The following ERC2 variants were observed in gnomAD, a reference collection of about 807,000 sequenced individuals.
ERC2 encodes the protein ERC protein 2.
ERC2 carries 42 observed loss-of-function variants against 114.8 expected under a neutral mutation model. The observed-to-expected ratio is 0.37, with a 90% CI of 0.29 to 0.47. ERC2 has a LOEUF of 0.47. Among genes scored for constraint, ERC2 ranks in the 20% least tolerant of loss-of-function variants. The probability of loss-of-function intolerance (pLI) is 0.99; values close to 1 mark genes in which losing one functional copy is unlikely to be tolerated. For missense variants in ERC2, 939 were observed against 1,150.7 expected, an observed-to-expected ratio of 0.82 and a Z score of 2.66; for synonymous variants, 454 against 425.5, an observed-to-expected ratio of 1.07 and a Z score of -0.82.
chr3:56,211,639 C>A (rs1223295686), intron 3 of ERC2, among the ~76,000 whole-genome samples: 1 of 151,902 alleles, frequency 6.6e-6, no homozygotes, highest in Non-Finnish European at 1.5e-5. Flanking sequence ...ACCCACATAG[C>A]CAAAGCAAGA....
At chr3:56,238,960 A>C (rs1401582668) in intron 3 of ERC2, among the ~76,000 whole-genome samples, 3 of 152,226 alleles carry the variant, frequency 2.0e-5, no homozygotes, top group Non-Finnish European at 4.4e-5. Flanking sequence ...CCTACCTCTC[A>C]GGTTGCATGC....
intron 7 of ERC2, among the ~76,000 whole-genome samples, chr3:56,024,601 C>CT (rs2073932005): frequency 6.6e-6 from 1 of 152,196 alleles, no homozygotes; most frequent in Admixed American, 6.5e-5. Flanking sequence ...GCATACAGCC[C>CT]AACTGCAAGG....
chr3:55,514,685 A>G (rs942128873), intron 17 of ERC2, among the ~76,000 whole-genome samples: 2 of 152,212 alleles, frequency 1.3e-5, no homozygotes, highest in South Asian at 2.1e-4. Context: ...CCACAGACCT[A>G]CAACCACGAG....
chr3:55,870,287 T>G (rs1575943857), intron 14 of ERC2, among the ~76,000 whole-genome samples: 2 of 152,018 alleles, frequency 1.3e-5, no homozygotes, highest in Non-Finnish European at 2.9e-5. Context: ...GTTGGCCAGG[T>G]TGGTCTCAAA....
chr3:55,849,784 C>A (rs1478744251), intron 14 of ERC2, among the ~76,000 whole-genome samples: 2 of 152,176 alleles, frequency 1.3e-5, no homozygotes, highest in Non-Finnish European at 2.9e-5. Flanking sequence ...TTGACTTCAT[C>A]AAAGTCCACA....
intron 7 of ERC2, among the ~76,000 whole-genome samples, chr3:56,040,601 A>T (rs201293803): frequency 2.5e-4 from 5 of 20,374 alleles, no homozygotes; most frequent in Non-Finnish European, 3.8e-4. Context: ...ATATCTATAT[A>T]TGTATATATA....
At chr3:56,113,880 A>G (rs933151723) in intron 6 of ERC2, among the ~76,000 whole-genome samples, 2 of 152,190 alleles carry the variant, frequency 1.3e-5, no homozygotes, top group African/African-American at 2.4e-5. Context: ...TAGCTCAGGG[A>G]AACATATCAC....
At chr3:56,266,788 G>A (rs1399576924) in intron 3 of ERC2, among the ~76,000 whole-genome samples, 8 of 152,200 alleles carry the variant, frequency 5.3e-5, no homozygotes, top group African/African-American at 1.9e-4. Context: ...AGGATATGGA[G>A]AGAAGAGAAC....
intron 2 of ERC2, among the ~76,000 whole-genome samples, chr3:56,387,039 T>C (rs918633898): frequency 6.6e-6 from 1 of 152,210 alleles, no homozygotes; most frequent in Non-Finnish European, 1.5e-5. Flanking sequence ...AAAACTGTGA[T>C]TATTTTGGCA....
intron 7 of ERC2, among the ~76,000 whole-genome samples, chr3:56,049,862 A>G (rs1483637826): frequency 1.5e-5 from 2 of 129,882 alleles, no homozygotes; most frequent in African/African-American, 6.4e-5. Flanking sequence ...GTGTGTGTGT[A>G]TCCTATTGGT....
At chr3:55,561,193 TG>T (rs1282880823) in intron 17 of ERC2, among the ~76,000 whole-genome samples, 1 of 152,158 alleles carries the variant, frequency 6.6e-6, no homozygotes, top group Non-Finnish European at 1.5e-5. Context: ...AGAAAAACTT[TG>T]GGCTAGAAAT....
At chr3:55,533,385 G>A (rs1167249) in intron 17 of ERC2, among the ~76,000 whole-genome samples, 76,567 of 152,118 alleles carry the variant, frequency 0.5, 21,891 homozygotes, top group East Asian at 0.77. Flanking sequence ...GATACTGACA[G>A]TATTCACACG....
At chr3:55,884,799 A>G (rs907590301) in intron 14 of ERC2, among the ~76,000 whole-genome samples, 13 of 152,144 alleles carry the variant, frequency 8.5e-5, no homozygotes, top group African/African-American at 3.1e-4. Flanking sequence ...TTTGCAAGGA[A>G]TTTAACAGAT....
At chr3:56,441,608 C>A (rs552946187) in intron 1 of ERC2, among the ~76,000 whole-genome samples, 11 of 152,228 alleles carry the variant, frequency 7.2e-5, no homozygotes, top group Non-Finnish European at 1.0e-4. Flanking sequence ...AGGATAAATT[C>A]TTTTTGTTGT....
intron 14 of ERC2, among the ~76,000 whole-genome samples, chr3:55,791,315 A>G (rs2069999408): frequency 6.6e-6 from 1 of 152,194 alleles, no homozygotes; most frequent in African/African-American, 2.4e-5. Flanking sequence ...TAAGTTTTTA[A>G]AAGTCCAGAA....
chr3:55,680,479 T>C (rs191605138), intron 17 of ERC2, among the ~76,000 whole-genome samples: 98 of 152,336 alleles, frequency 6.4e-4, no homozygotes, highest in African/African-American at 2.1e-3. Context: ...TGAAGAAGTA[T>C]TTGCTGACAC....
At chr3:56,422,368 A>C (rs1348967232) in intron 2 of ERC2, among the ~76,000 whole-genome samples, 1 of 152,132 alleles carries the variant, frequency 6.6e-6, no homozygotes, top group Non-Finnish European at 1.5e-5. Context: ...AATCTCCCTC[A>C]TTCCTTTGCC....
chr3:56,198,415 C>T (rs1332111272), intron 3 of ERC2, among the ~76,000 whole-genome samples: 1 of 152,122 alleles, frequency 6.6e-6, no homozygotes, highest in Non-Finnish European at 1.5e-5. Context: ...TAGGGTTGTA[C>T]TGTGGCTGGC....
At chr3:56,006,922 T>C (rs577321039) in intron 10 of ERC2, among the ~76,000 whole-genome samples, 2 of 152,246 alleles carry the variant, frequency 1.3e-5, no homozygotes, top group South Asian at 4.1e-4. Flanking sequence ...GGCTGGTTTT[T>C]ATAATATTTT....
Sources: gnomAD v4.1 joint callset for allele counts (sites outside exome capture counted in the v4.1 genomes callset) on GRCh38, gnomAD v4.1.1 for gene constraint, MANE v1.5 for transcripts, NCBI Gene and HGNC (gene_info 2026-07-23, HGNC 2026-07-21) for gene names.